Variants in GHRL observed in about 807,000 individuals in gnomAD.
GHRL encodes the protein ghrelin and obestatin prepropeptide.
In GHRL, 24 loss-of-function variants were observed where a neutral mutation model predicts 16.9. That is an observed-to-expected ratio of 1.42 (90% confidence interval 1.03 to 2.00). The LOEUF (loss-of-function observed/expected upper bound fraction) is 2.00. GHRL is among the 30% of genes most tolerant of loss of function. The probability of loss-of-function intolerance (pLI) is 0.00; values close to 1 mark genes in which losing one functional copy is unlikely to be tolerated. For missense variants in GHRL, 193 were observed against 142.1 expected, an observed-to-expected ratio of 1.36 and a Z score of -1.82; for synonymous variants, 63 against 58.2, an observed-to-expected ratio of 1.08 and a Z score of -0.37.
At chr3:10,292,579 TA>T in intron 1 of GHRL, 1 of 470,382 alleles carries the variant, frequency 2.1e-6, no homozygotes. Context: ...CTGTGGTGGC[TA>T]AAATCCCACC....
intron 1 of GHRL, 61 bp from the exon 2 acceptor site, chr3:10,291,512 C>T (rs993044956): frequency 7.3e-6 from 7 of 957,580 alleles, no homozygotes; most frequent in South Asian, 4.8e-5. Flanking sequence ...ACTGGCCTTA[C>T]GCCGACCACA....
At chr3:10,286,889 C>G (rs137950145) in intron 4 of GHRL, 77 bp from the exon 5 acceptor site, 5 of 840,076 alleles carry the variant, frequency 6.0e-6, no homozygotes. Context: ...GCTCTGGGCT[C>G]TCTGCCTCTC....
intron 2 of GHRL, chr3:10,290,457 CT>C: frequency 1.2e-5 from 5 of 426,670 alleles, no homozygotes; most frequent in Non-Finnish European, 1.7e-5. Context: ...TCCCCGGTGC[CT>C]TTTGTCCCAG....
chr3:10,291,677 G>A (rs956158838), intron 1 of GHRL, among the ~76,000 whole-genome samples: 5 of 152,180 alleles, frequency 3.3e-5, no homozygotes, highest in Admixed American at 6.5e-5. Flanking sequence ...CATTTCCCTC[G>A]GCCCCAGGAA....
At chr3:10,287,163 A>C (rs2125196797) in intron 4 of GHRL, 1 of 181,300 alleles carries the variant, frequency 5.5e-6, no homozygotes, top group Non-Finnish European at 1.2e-5. Context: ...GCAGCATTTC[A>C]GGCCCTGGCA....
chr3:10,286,783 C>T lies in GHRL; in HGVS notation c.255G>A (p.Lys85=). 1 of 1,612,858 alleles carries T rather than the reference C, an allele frequency of 6.2e-7. No individual in the cohort carries two copies. The highest frequency in any genetic ancestry group is 8.5e-7 in the Non-Finnish European group (1 of 1,178,866). ...RFNAPFDVGI[K]LSGVQYQQHS... ...GCTGCTGGTACTGAACCCCTGACAG[C>T]TTGATTCCAACATCAAAGGGGGCGT... The change falls in exon 5 of 6, where the codon AAG becomes AAA. Residue 85 remains lysine (K), a synonymous_variant. Coordinates refer to ENST00000335542, the MANE Select transcript of GHRL (RefSeq NM_016362.5).
At chr3:10,285,948 TTTC>T (rs1698997662) in intron 5 of GHRL, 54 bp from the exon 6 acceptor site, 53 of 1,532,090 alleles carry the variant, frequency 3.5e-5, no homozygotes, top group Non-Finnish European at 4.5e-5. Flanking sequence ...TGCTAGTGCT[TTTC>T]TTCCACGGTG....
chr3:10,286,654 C>T lies in GHRL; in HGVS notation c.334+50G>A, dbSNP rs376928277. On this transcript the variant is annotated intron_variant, in intron 5 of 5. Coordinates refer to ENST00000335542, the MANE Select transcript of GHRL (RefSeq NM_016362.5). ...ACTCATCACCCACAGAGTGAACTCC[C>T]ATGTGGGGCTGCAAGGAAACCGAGC... is the stretch of plus-strand genomic sequence containing the variant. 6.3e-6 allele frequency: 6 copies of T among 945,758 alleles called. No individual in the cohort carries two copies. In the African/African-American group the frequency reaches 8.0e-5, roughly 13 times the overall value. 58.6% of individuals were successfully genotyped at this position (945,758 alleles called of 1,614,324 possible).
chr3:10,292,848 C>G lies in GHRL; in HGVS notation c.-772G>C, dbSNP rs796821661. The G allele has an allele frequency of 3.9e-6, 6 of 1,536,746 alleles. No homozygotes were observed. Among genetic ancestry groups the G allele is most frequent in the East Asian group, 2.5e-5 (1 of 40,804 alleles). ...ACATGAAGCCTCCACTTACCTGGACCCTGGAGGCCTCTCCGGGCACAGCTG... is the reference window on the plus strand; with the variant it reads ...ACATGAAGCCTCCACTTACCTGGACGCTGGAGGCCTCTCCGGGCACAGCTG... On this transcript the variant is annotated 5_prime_UTR_variant, in exon 1 of 6. Coordinates refer to ENST00000335542, the MANE Select transcript of GHRL (RefSeq NM_016362.5).
At chr3:10,287,911 T>A (rs917423449) in intron 4 of GHRL, 1 of 124,986 alleles carries the variant, frequency 8.0e-6, no homozygotes, top group Non-Finnish European at 1.6e-5. Context: ...ATGACATGAT[T>A]GAATTTTTTT....
chr3:10,289,340 G>A (rs1003972302), intron 4 of GHRL, among the ~76,000 whole-genome samples: 4 of 152,172 alleles, frequency 2.6e-5, no homozygotes, highest in African/African-American at 9.7e-5. Context: ...CATCCAGGGT[G>A]CTGTTCGGAA....
chr3:10,290,177 G>A lies in GHRL; in HGVS notation c.4C>T (p.Pro2Ser). The A allele has an allele frequency of 6.2e-7, 1 of 1,610,218 alleles. No homozygotes were observed. The highest frequency in any genetic ancestry group is 1.3e-5 in the African/African-American group (1 of 75,020). Reference sequence around the variant, plus strand: ...AGGCTGCAGACGGTCCCTGGGGAGGGCATGGCCTCAGCTGGGTTGCAGACA... The same window carrying A: ...AGGCTGCAGACGGTCCCTGGGGAGGACATGGCCTCAGCTGGGTTGCAGACA... M[P>S]SPGTVCSLLL... Residue 2 changes from proline (P) to serine (S), a missense_variant, in exon 3 of 6, where the codon CCC becomes TCC. By Grantham distance (74) the Pro-to-Ser change is moderately conservative. Transcript: ENST00000335542.
At chr3:10,286,187 T>C (rs1022915551) in intron 5 of GHRL, among the ~76,000 whole-genome samples, 3 of 152,178 alleles carry the variant, frequency 2.0e-5, no homozygotes, top group African/African-American at 7.2e-5. Flanking sequence ...TGTGCAGGTG[T>C]TTCTGCCACC....
chr3:10,286,591 A>C, intron 5 of GHRL, 113 bp downstream of exon 5: 1 of 621,696 alleles, frequency 1.6e-6, no homozygotes, highest in Non-Finnish European at 2.9e-6. Flanking sequence ...GGGAAAGGGA[A>C]ATTAGAAGTT....
intron 4 of GHRL, 123 bp from the exon 5 acceptor site, chr3:10,286,935 C>T: frequency 3.2e-6 from 2 of 626,304 alleles, no homozygotes. Flanking sequence ...CTTTGGGCCC[C>T]AGCAGGGACT....
At chr3:10,288,427 A>G (rs1024580923) in intron 4 of GHRL, among the ~76,000 whole-genome samples, 1 of 152,190 alleles carries the variant, frequency 6.6e-6, no homozygotes, top group Non-Finnish European at 1.5e-5. Flanking sequence ...TAGCTTTCAC[A>G]GAAACTGCAA....
Position 10,291,219 on chromosome 3 carries a change from C to T in GHRL, c.-533G>A, listed in dbSNP as rs1250280607. On this transcript the variant is annotated 5_prime_UTR_variant, in exon 2 of 6. Coordinates refer to ENST00000335542, the MANE Select transcript of GHRL (RefSeq NM_016362.5). ...GGGAGCCAGGCTGGTGATTCTACAC[C>T]TTCCCGAGGAGGAGTCCCACCTCCC... 46 of 985,440 alleles carry T rather than the reference C, an allele frequency of 4.7e-5. No homozygotes were observed. The highest frequency in any genetic ancestry group is 5.4e-5 in the Non-Finnish European group (45 of 830,018). The allele number at this position is 985,440 out of a possible 1,614,324, so 61.0% of individuals were successfully genotyped here. A position where few individuals can be genotyped will look rare whatever the true frequency, so the allele number is the denominator to read the frequency against.
intron 4 of GHRL, chr3:10,288,090 C>G (rs115092192): frequency 0.018 from 2,762 of 152,344 alleles, 77 homozygotes; most frequent in African/African-American, 0.063. Context: ...TAACACCTGG[C>G]GCTGTGGTGC....
chr3:10,289,909 C>CT (rs778242586), intron 3 of GHRL, 31 bp from the exon 4 acceptor site: 2 of 1,552,314 alleles, frequency 1.3e-6, no homozygotes, highest in South Asian at 1.1e-5. Context: ...GTTTAGGACT[C>CT]TAAGCCCCCA....
Sources: allele counts gnomAD v4.1 joint callset (sites outside exome capture counted in the v4.1 genomes callset), GRCh38; gene constraint gnomAD v4.1.1; transcripts MANE v1.5; gene names NCBI Gene and HGNC (gene_info 2026-07-23, HGNC 2026-07-21).